Variants in ABCC11 observed in about 807,000 individuals in gnomAD.
The protein encoded by ABCC11 is ATP-binding cassette sub-family C member 11.
ABCC11 carries 135 observed loss-of-function variants against 149.3 expected under a neutral mutation model. That is an observed-to-expected ratio of 0.90 (90% CI 0.79 to 1.04). ABCC11 has a LOEUF of 1.04. Ranked by LOEUF, ABCC11 falls within the 50% of genes least tolerant of loss-of-function variation. The pLI is 0.00. For missense variants in ABCC11, 1,680 were observed against 1,722.1 expected, an observed-to-expected ratio of 0.98 and a Z score of 0.43; for synonymous variants, 665 against 671.4, an observed-to-expected ratio of 0.99 and a Z score of 0.15.
At chr16:48,205,087 G>A (rs1968313820) in intron 13 of ABCC11, among the ~76,000 whole-genome samples, 4 of 152,202 alleles carry the variant, frequency 2.6e-5, no homozygotes, top group Admixed American at 2.6e-4. Context: ...CAATATTGGA[G>A]GGGGAGAGTG....
At chr16:48,194,749 G>T (rs1040469034) in intron 18 of ABCC11, among the ~76,000 whole-genome samples, 5 of 152,188 alleles carry the variant, frequency 3.3e-5, no homozygotes, top group African/African-American at 1.2e-4. Context: ...CGTTCAAGGC[G>T]CCATCTTGGA....
intron 22 of ABCC11, among the ~76,000 whole-genome samples, 194 bp downstream of exon 22, chr16:48,186,759 A>G (rs1159444618): frequency 6.6e-6 from 1 of 152,222 alleles, no homozygotes; most frequent in Non-Finnish European, 1.5e-5. Flanking sequence ...CATTTTTCCT[A>G]TCATTTACAT....
At chr16:48,204,876 G>C (rs1383829395) in intron 13 of ABCC11, among the ~76,000 whole-genome samples, 1 of 152,170 alleles carries the variant, frequency 6.6e-6, no homozygotes, top group Non-Finnish European at 1.5e-5. Flanking sequence ...CTAGGGCAGG[G>C]AGAAGCCATA....
chr16:48,225,485 C>CTGAACTGGACTGATTGCAT (rs1356951429), intron 4 of ABCC11, among the ~76,000 whole-genome samples: 3 of 152,200 alleles, frequency 2.0e-5, no homozygotes, highest in Admixed American at 6.5e-5. Context: ...CTCCCACACT[C>CTGAACTGGACTGATTGCAT]TGAACTGGAC....
chr16:48,231,698 G>T, intron 2 of ABCC11, 125 bp downstream of exon 2: 12 of 1,274,662 alleles, frequency 9.4e-6, no homozygotes, highest in African/African-American at 1.5e-5. Context: ...AGAGCAAAAA[G>T]AGAAAAGAAA....
At chr16:48,207,324 G>A (rs1368973125) in intron 12 of ABCC11, among the ~76,000 whole-genome samples, 2 of 152,136 alleles carry the variant, frequency 1.3e-5, no homozygotes, top group East Asian at 3.9e-4. Context: ...TATAAGGTGT[G>A]CAGTGTGACC....
intron 25 of ABCC11, 60 bp downstream of exon 25, chr16:48,176,864 G>A: frequency 1.3e-6 from 2 of 1,550,992 alleles, no homozygotes; most frequent in South Asian, 2.4e-5. Context: ...CCCTAAATAG[G>A]TCTAGTGCCC....
chr16:48,173,209 C>T (rs1965829725), intron 26 of ABCC11, among the ~76,000 whole-genome samples: 1 of 152,184 alleles, frequency 6.6e-6, no homozygotes, highest in South Asian at 2.1e-4. Flanking sequence ...CAGAGAGATG[C>T]TTAAGGGTAG....
rs1237056996 is a variant in ABCC11 at position 48,192,507 on chromosome 16, C to T, written c.2706+13G>A. 4.3e-6 allele frequency: 7 copies of T among 1,613,988 alleles called. No individual in the cohort carries two copies. The highest frequency in any genetic ancestry group is 5.9e-6 in the Non-Finnish European group (7 of 1,179,888). On this transcript the variant is annotated intron_variant, in intron 20 of 29. Coordinates refer to ENST00000356608, the MANE Select transcript of ABCC11 (RefSeq NM_001370497.1). ...GCTCAGCCTTCGGCCCCACCCAGCACCCAGGCCCATACCTTGTTGAAGAGC... is the reference window on the plus strand; with the variant it reads ...GCTCAGCCTTCGGCCCCACCCAGCATCCAGGCCCATACCTTGTTGAAGAGC...
At chr16:48,210,915 G>A (rs1422266286) in intron 11 of ABCC11, 33 bp downstream of exon 11, 1 of 1,604,668 alleles carries the variant, frequency 6.2e-7, no homozygotes, top group Non-Finnish European at 8.5e-7. Context: ...GAGCCTGGCA[G>A]CTGGCCTGCC....
intron 4 of ABCC11, among the ~76,000 whole-genome samples, chr16:48,226,922 T>G (rs1378445974): frequency 6.6e-6 from 1 of 152,244 alleles, no homozygotes; most frequent in East Asian, 1.9e-4. Flanking sequence ...AAACTCATTT[T>G]CCACCTGGTA....
intron 3 of ABCC11, among the ~76,000 whole-genome samples, chr16:48,228,359 C>A (rs149290583): frequency 6.6e-6 from 1 of 151,832 alleles, no homozygotes; most frequent in East Asian, 1.9e-4. Flanking sequence ...TTTGGGAGGC[C>A]GAGGAGGGTG....
chr16:48,218,341 C>T (rs1425767918), intron 6 of ABCC11, among the ~76,000 whole-genome samples: 1 of 152,072 alleles, frequency 6.6e-6, no homozygotes, highest in Non-Finnish European at 1.5e-5. Context: ...ATCTTGGGTC[C>T]TAGAGCTAAA....
intron 20 of ABCC11, among the ~76,000 whole-genome samples, chr16:48,191,139 A>G (rs539822592): frequency 5.3e-5 from 8 of 152,372 alleles, no homozygotes; most frequent in African/African-American, 1.7e-4. Flanking sequence ...AGAATGCACC[A>G]TAAGGTGAAC....
At chr16:48,223,874 A>G (rs1364882729) in intron 5 of ABCC11, among the ~76,000 whole-genome samples, 1 of 152,218 alleles carries the variant, frequency 6.6e-6, no homozygotes, top group Non-Finnish European at 1.5e-5. Flanking sequence ...GTGCTGAGCC[A>G]GGCCATGTTC....
chr16:48,165,715 T>G (rs1266685214), downstream of ABCC11: 1 of 152,214 alleles, frequency 6.6e-6, no homozygotes, highest in Non-Finnish European at 1.5e-5. Flanking sequence ...CCAAATTCCC[T>G]GAGGGCAGGG....
intron 1 of ABCC11, among the ~76,000 whole-genome samples, chr16:48,243,851 G>A (rs1218926520): frequency 1.3e-5 from 2 of 151,944 alleles, no homozygotes; most frequent in Non-Finnish European, 1.5e-5. Context: ...AATTAGCTGG[G>A]TGTGGTGGCG....
At chr16:48,196,202 G>C in intron 18 of ABCC11, 30 bp downstream of exon 18, 1 of 1,608,150 alleles carries the variant, frequency 6.2e-7, no homozygotes, top group Non-Finnish European at 8.5e-7. Flanking sequence ...TGCTCCAAGA[G>C]AGAGCCCTGG....
intron 5 of ABCC11, among the ~76,000 whole-genome samples, chr16:48,223,919 C>T (rs1969909578): frequency 6.6e-6 from 1 of 152,140 alleles, no homozygotes; most frequent in South Asian, 2.1e-4. Flanking sequence ...TTTAATGTTA[C>T]CCTATGAGGC....
Sources: gnomAD v4.1 joint callset for allele counts (sites outside exome capture counted in the v4.1 genomes callset) on GRCh38, gnomAD v4.1.1 for gene constraint, MANE v1.5 for transcripts, NCBI Gene and HGNC (gene_info 2026-07-23, HGNC 2026-07-21) for gene names.